Variants in TRHDE observed in about 807,000 individuals in gnomAD.
TRHDE encodes thyrotropin releasing hormone degrading enzyme.
TRHDE carries 72 observed loss-of-function variants against 125.7 expected under a neutral mutation model. The observed-to-expected ratio is 0.57, with a 90% CI of 0.47 to 0.70. The LOEUF (loss-of-function observed/expected upper bound fraction) is 0.70, where lower values mean the gene tolerates loss of function less well. TRHDE is among the 30% of genes least tolerant of loss of function. The pLI is 0.00. For missense variants in TRHDE, 1,110 were observed against 1,327.1 expected, an observed-to-expected ratio of 0.84 and a Z score of 2.54; for synonymous variants, 509 against 509.1, an observed-to-expected ratio of 1.00 and a Z score of 0.00.
chr12:72,642,177 A>G (rs1316093947), intron 15 of TRHDE, among the ~76,000 whole-genome samples: 1 of 152,178 alleles, frequency 6.6e-6, no homozygotes, highest in Non-Finnish European at 1.5e-5. Context: ...GCCTCCCAGT[A>G]TATGGTACTT....
intron 2 of TRHDE, among the ~76,000 whole-genome samples, chr12:72,290,098 G>A (rs1378771845): frequency 1.3e-5 from 2 of 152,204 alleles, no homozygotes; most frequent in East Asian, 3.8e-4. Context: ...CTAGTTGGAA[G>A]AGGGAGAAAT....
intron 3 of TRHDE, among the ~76,000 whole-genome samples, chr12:72,387,554 G>A (rs974963448): frequency 6.6e-6 from 1 of 152,112 alleles, no homozygotes; most frequent in African/African-American, 2.4e-5. Context: ...AATTTACCTG[G>A]TGATTCTGCT....
At chr12:72,220,325 C>G (rs1433141440) in intron 2 of TRHDE, among the ~76,000 whole-genome samples, 1 of 152,078 alleles carries the variant, frequency 6.6e-6, no homozygotes, top group Non-Finnish European at 1.5e-5. Context: ...ACATAGACTG[C>G]TATGACCTAA....
intron 2 of TRHDE, among the ~76,000 whole-genome samples, chr12:72,139,288 T>G (rs1303868482): frequency 1.3e-5 from 2 of 152,032 alleles, no homozygotes; most frequent in East Asian, 3.8e-4. Flanking sequence ...TGTGGTAAAA[T>G]GGCTTTTAAG....
intron 2 of TRHDE, among the ~76,000 whole-genome samples, chr12:72,308,668 A>T (rs116293039): frequency 6.6e-6 from 1 of 152,176 alleles, no homozygotes; most frequent in African/African-American, 2.4e-5. Flanking sequence ...ATTTAATGTT[A>T]TACACTCATT....
intron 2 of TRHDE, among the ~76,000 whole-genome samples, chr12:72,165,319 C>T (rs1876720385): frequency 6.6e-6 from 1 of 152,196 alleles, no homozygotes; most frequent in South Asian, 2.1e-4. Flanking sequence ...CTCACAAGCA[C>T]ATACCATAAA....
chr12:72,156,113 C>G (rs1876500682), intron 2 of TRHDE, among the ~76,000 whole-genome samples: 2 of 152,170 alleles, frequency 1.3e-5, no homozygotes, highest in Non-Finnish European at 2.9e-5. Flanking sequence ...CCTCCCCCAG[C>G]CTTGCTGCCA....
intron 3 of TRHDE, among the ~76,000 whole-genome samples, chr12:72,421,425 G>C (rs897097229): frequency 1.3e-5 from 2 of 152,184 alleles, no homozygotes; most frequent in Non-Finnish European, 2.9e-5. Flanking sequence ...CATGCGGTTT[G>C]ACTTTCTTAC....
At chr12:72,497,135 A>G (rs903111807) in intron 5 of TRHDE, among the ~76,000 whole-genome samples, 2 of 152,128 alleles carry the variant, frequency 1.3e-5, no homozygotes, top group African/African-American at 4.8e-5. Context: ...AGGTAGACAG[A>G]TAAATCGTTT....
At chr12:72,485,473 C>T (rs1434320619) in intron 5 of TRHDE, among the ~76,000 whole-genome samples, 1 of 152,150 alleles carries the variant, frequency 6.6e-6, no homozygotes, top group Admixed American at 6.5e-5. Flanking sequence ...GCTGAAGTAG[C>T]ACTCCAGCCC....
At chr12:72,307,330 AT>A (rs11323954) in intron 2 of TRHDE, among the ~76,000 whole-genome samples, 44,052 of 136,994 alleles carry the variant, frequency 0.32, 6,769 homozygotes, top group Admixed American at 0.38. Context: ...ATACCCAGCT[AT>A]TTTTTTTTTT....
intron 6 of TRHDE, among the ~76,000 whole-genome samples, chr12:72,516,253 G>A (rs912590954): frequency 2.8e-4 from 43 of 151,872 alleles, no homozygotes; most frequent in Non-Finnish European, 4.7e-4. Flanking sequence ...CATATTCATG[G>A]TATTGATTCT....
chr12:72,608,460 G>C (rs11179280), intron 12 of TRHDE, among the ~76,000 whole-genome samples: 61,386 of 151,994 alleles, frequency 0.4, 14,404 homozygotes, highest in African/African-American at 0.64. Flanking sequence ...GCACGCTGTT[G>C]ATGGTAGGTA....
At chr12:72,438,472 G>C (rs7961500) in intron 3 of TRHDE, among the ~76,000 whole-genome samples, 43,142 of 151,610 alleles carry the variant, frequency 0.28, 9,928 homozygotes, top group African/African-American at 0.63. Context: ...GCCATTCTAA[G>C]AGGTATGAGA....
chr12:72,277,758 G>A (rs1280469410), intron 1 of TRHDE, among the ~76,000 whole-genome samples: 1 of 152,054 alleles, frequency 6.6e-6, no homozygotes, highest in Non-Finnish European at 1.5e-5. Flanking sequence ...TTGTCTTTCT[G>A]TGTTTCCTGT....
rs564125043 is a variant in TRHDE at position 72,487,664 on chromosome 12, A to G, written c.1585-11834A>G. Among the ~76,000 whole-genome samples, 12 of 152,318 alleles carry G rather than the reference A, an allele frequency of 7.9e-5. No homozygotes were observed. In the South Asian group the frequency reaches 2.3e-3, roughly 29 times the overall value. On this transcript the variant is annotated intron_variant, in intron 5 of 18. Transcript: ENST00000261180. ...GAAGTTCTTCAAATGGTAATTAAAGAATGTTAATTACTATCATGAATATGT... is the reference window on the plus strand; with the variant it reads ...GAAGTTCTTCAAATGGTAATTAAAGGATGTTAATTACTATCATGAATATGT...
At chr12:72,249,275 A>G (rs1689311522) in intron 2 of TRHDE, among the ~76,000 whole-genome samples, 1 of 152,228 alleles carries the variant, frequency 6.6e-6, no homozygotes. Context: ...ATTGGGAGGT[A>G]ATTTTTAATA....
In TRHDE at chr12:72,436,354, G is replaced by A. The variant is rs576438790; in HGVS notation, c.1316-33404G>A. On this transcript the variant is annotated intron_variant, in intron 3 of 18. Coordinates refer to ENST00000261180, the MANE Select transcript of TRHDE (RefSeq NM_013381.3). The stretch of plus-strand genomic sequence containing the variant: ...TATTTCTAATCCTGATAGTATACCA[G>A]CTTGTTTAATTTAATTAATCATTTC... Among the ~76,000 whole-genome samples, 74 of 151,914 alleles carry A rather than the reference G, an allele frequency of 4.9e-4. No homozygotes were observed. The Middle Eastern group carries it at 0.014, about 28-fold the overall frequency.
chr12:72,236,581 A>T (rs1047241687), intron 2 of TRHDE, among the ~76,000 whole-genome samples: 2 of 152,158 alleles, frequency 1.3e-5, no homozygotes, highest in African/African-American at 4.8e-5. Context: ...TCAAAAACAT[A>T]TTATGCCATA....
Sources: gnomAD v4.1 joint callset for allele counts (sites outside exome capture counted in the v4.1 genomes callset) on GRCh38, gnomAD v4.1.1 for gene constraint, MANE v1.5 for transcripts, NCBI Gene and HGNC (gene_info 2026-07-23, HGNC 2026-07-21) for gene names.